Variants in LAMC3 observed in about 807,000 individuals in gnomAD.
LAMC3 encodes laminin subunit gamma-3.
LAMC3 carries 128 observed loss-of-function variants against 173.8 expected under a neutral mutation model. The ratio of observed to expected loss-of-function variants is 0.74; its 90% CI spans 0.64 to 0.85. The LOEUF is 0.85. Ranked by LOEUF, LAMC3 falls within the 40% of genes least tolerant of loss-of-function variation. The pLI is 0.00. For synonymous variants in LAMC3, 897 were observed against 909.1 expected, an observed-to-expected ratio of 0.99 and a Z score of 0.24; for missense variants, 2,022 against 2,156.0, an observed-to-expected ratio of 0.94 and a Z score of 1.23.
At chr9:131,066,825 C>T (rs1043180141) in intron 13 of LAMC3, 135 bp from the exon 14 acceptor site, 19 of 1,191,126 alleles carry the variant, frequency 1.6e-5, no homozygotes, top group Admixed American at 7.7e-5. Context: ...CACTGGGGGC[C>T]GGTCCCAGGT....
intron 9 of LAMC3, among the ~76,000 whole-genome samples, chr9:131,051,670 T>G (rs1834288617): frequency 6.6e-6 from 1 of 152,196 alleles, no homozygotes; most frequent in African/African-American, 2.4e-5. Flanking sequence ...GCTGCGTATT[T>G]TGTTCTTACG....
chr9:131,011,293 C>G (rs1833412133), intron 1 of LAMC3, among the ~76,000 whole-genome samples: 1 of 152,184 alleles, frequency 6.6e-6, no homozygotes, highest in African/African-American at 2.4e-5. Flanking sequence ...GGGACTGTAT[C>G]CCATGTTTCA....
At chr9:131,085,392 T>A (rs767100189) in intron 24 of LAMC3, 132 bp from the exon 25 acceptor site, 173 of 846,886 alleles carry the variant, frequency 2.0e-4, no homozygotes, top group Middle Eastern at 6.1e-4. Context: ...GATATGCACG[T>A]TGCATGCACT....
chr9:131,071,874 T>C (rs1830041453), intron 18 of LAMC3, among the ~76,000 whole-genome samples: 1 of 152,180 alleles, frequency 6.6e-6, no homozygotes, highest in African/African-American at 2.4e-5. Flanking sequence ...CACAGGGGTG[T>C]CATGAGGCGC....
At chr9:131,011,673 G>C (rs112774570) in intron 1 of LAMC3, among the ~76,000 whole-genome samples, 2 of 151,852 alleles carry the variant, frequency 1.3e-5, no homozygotes, top group Non-Finnish European at 2.9e-5. Flanking sequence ...CAGTGGGGAG[G>C]GGGGAGGCTG....
chr9:131,088,266 C>A (rs184244036), intron 27 of LAMC3, among the ~76,000 whole-genome samples: 1 of 152,256 alleles, frequency 6.6e-6, no homozygotes, highest in East Asian at 1.9e-4. Context: ...CCTTCTTTGG[C>A]CATTAGACCT....
At chr9:131,042,937 ACCATGGCAGACATCACTGATGGCATAC>A (rs201978811) in intron 7 of LAMC3, among the ~76,000 whole-genome samples, 3,873 of 147,706 alleles carry the variant, frequency 0.026, 134 homozygotes, top group African/African-American at 0.077. Context: ...CCCCTTTCAC[ACCATGGCAGACATCACTGATGGCATAC>A]CCATGGCAGA....
chr9:131,082,682 C>T (rs528030609), intron 24 of LAMC3, among the ~76,000 whole-genome samples: 1 of 152,348 alleles, frequency 6.6e-6, no homozygotes, highest in African/African-American at 2.4e-5. Context: ...GCAAGTATTA[C>T]GATTCTGCAA....
At chr9:131,045,726 C>T in intron 8 of LAMC3, 66 bp downstream of exon 8, 2 of 1,558,864 alleles carry the variant, frequency 1.3e-6, no homozygotes, top group Non-Finnish European at 8.8e-7. Context: ...TGATCCTGCC[C>T]TGGGGAGATC....
At chr9:131,017,203 C>G (rs1183463095) in intron 1 of LAMC3, among the ~76,000 whole-genome samples, 1 of 152,128 alleles carries the variant, frequency 6.6e-6, no homozygotes, top group African/African-American at 2.4e-5. Context: ...GCGCAGACTC[C>G]TTGGTAAACA....
At chr9:131,065,422 G>T (rs981541353) in intron 13 of LAMC3, among the ~76,000 whole-genome samples, 1 of 152,170 alleles carries the variant, frequency 6.6e-6, no homozygotes, top group Admixed American at 6.6e-5. Flanking sequence ...ATGAGAAACA[G>T]AAAAGGTAAA....
intron 1 of LAMC3, among the ~76,000 whole-genome samples, chr9:131,017,786 G>A (rs1056685857): frequency 2.7e-5 from 4 of 150,142 alleles, no homozygotes; most frequent in Non-Finnish European, 5.9e-5. Flanking sequence ...AGCACTTTGG[G>A]AGGCTGAGGC....
chr9:131,045,009 G>C (rs554940622), intron 7 of LAMC3, among the ~76,000 whole-genome samples: 1 of 152,138 alleles, frequency 6.6e-6, no homozygotes, highest in African/African-American at 2.4e-5. Context: ...GATCCCCTGA[G>C]GTCAGGAGTT....
At chr9:131,052,462 C>T in intron 9 of LAMC3, 29 bp from the exon 10 acceptor site, 2 of 1,578,612 alleles carry the variant, frequency 1.3e-6, no homozygotes, top group Non-Finnish European at 1.7e-6. Context: ...CATATGAAGA[C>T]TGTCAAAGCC....
Position 131,085,515 on chromosome 9 carries a change from G to T in LAMC3, c.4031-9G>T. 1 of 1,613,648 alleles carries T rather than the reference G, an allele frequency of 6.2e-7. No homozygotes were observed. Among genetic ancestry groups the T allele is most frequent in the Non-Finnish European group, 8.5e-7 (1 of 1,179,942 alleles). Reference sequence around the variant, plus strand: ...AGTTCCCCTGACCCAGCCTCAGCCGGGTTTGCAGGAATGAAGCTGCAGTTT... The same window carrying T: ...AGTTCCCCTGACCCAGCCTCAGCCGTGTTTGCAGGAATGAAGCTGCAGTTT... On this transcript the variant is annotated splice_polypyrimidine_tract_variant and intron_variant, in intron 24 of 27. Transcript: ENST00000361069.
chr9:131,044,676 A>G (rs1259618318), intron 7 of LAMC3, among the ~76,000 whole-genome samples: 3 of 152,224 alleles, frequency 2.0e-5, no homozygotes, highest in Non-Finnish European at 4.4e-5. Context: ...CCCATGTGAT[A>G]TGACGAGAAG....
rs1011483503 is a variant in LAMC3, at chr9:131,043,394, A to G, written c.1382+1659A>G. 5.9e-5 allele frequency among the ~76,000 whole-genome samples: 9 copies of G among 152,156 alleles called. 1 individual carries two copies. Among genetic ancestry groups the G allele is most frequent in the African/African-American group, 1.7e-4 (7 of 41,442 alleles). On this transcript the variant is annotated intron_variant, in intron 7 of 27. Transcript: ENST00000361069. ...TGGCAGATTCTGGGGCTGGGGCTGG[A>G]AAAAGACAAGATAAGCCCAAGGCGT...
At chr9:131,039,283 GC>G in intron 6 of LAMC3, 35 bp downstream of exon 6, 1 of 1,536,060 alleles carries the variant, frequency 6.5e-7, no homozygotes, top group Non-Finnish European at 8.9e-7. Context: ...TGGACACATT[GC>G]ACTGAATGAC....
intron 20 of LAMC3, 46 bp from the exon 21 acceptor site, chr9:131,075,785 T>C (rs751809230): frequency 7.6e-6 from 12 of 1,581,286 alleles, no homozygotes; most frequent in Admixed American, 1.8e-5. Flanking sequence ...CCTGGGCCCC[T>C]TCCCTGCGAG....
Sources: allele counts gnomAD v4.1 joint callset (sites outside exome capture counted in the v4.1 genomes callset), GRCh38; gene constraint gnomAD v4.1.1; transcripts MANE v1.5; gene names NCBI Gene and HGNC (gene_info 2026-07-23, HGNC 2026-07-21).